SINHCAF: variants seen among roughly 807,000 people sequenced by gnomAD.
The protein encoded by SINHCAF is SIN3-HDAC complex-associated factor.
Under a neutral mutation model 25.8 loss-of-function variants are expected in SINHCAF, and 3 were observed. That is an observed-to-expected ratio of 0.12 (90% CI 0.05 to 0.30). The LOEUF is 0.30. Ranked by LOEUF, SINHCAF falls within the 10% of genes least tolerant of loss-of-function variation. The pLI, the probability that SINHCAF is intolerant of heterozygous loss-of-function variation, is 1.00. For synonymous variants in SINHCAF, 70 were observed against 85.5 expected (o/e 0.82, Z 1.00); for missense variants, 121 against 262.3 (o/e 0.46, Z 3.72).
chr12:31,310,570 G>A (rs1939225609), intron 1 of SINHCAF, among the ~76,000 whole-genome samples: 1 of 152,166 alleles, frequency 6.6e-6, no homozygotes, highest in Non-Finnish European at 1.5e-5. Flanking sequence ...TGTTACCATT[G>A]TTAAGTGTAC....
intron 1 of SINHCAF, chr12:31,304,542 G>GGAAGGGT (rs1362347491): frequency 6.6e-6 from 1 of 152,192 alleles, no homozygotes; most frequent in Non-Finnish European, 1.5e-5. Context: ...GGGGCGGTGG[G>GGAAGGGT]GAAGGGTGAG....
intron 1 of SINHCAF, among the ~76,000 whole-genome samples, chr12:31,306,721 G>A (rs1295315014): frequency 6.6e-6 from 1 of 152,124 alleles, no homozygotes; most frequent in Non-Finnish European, 1.5e-5. Context: ...TGCCAAAAGC[G>A]AGATCCAAGA....
intron 1 of SINHCAF, among the ~76,000 whole-genome samples, chr12:31,315,958 G>T (rs1939479605): frequency 6.6e-6 from 1 of 152,158 alleles, no homozygotes; most frequent in African/African-American, 2.4e-5. Flanking sequence ...CTGAGGTCAG[G>T]AGTTTGAGAC....
intron 1 of SINHCAF, among the ~76,000 whole-genome samples, chr12:31,318,490 T>G (rs1229269659): frequency 6.6e-6 from 1 of 152,178 alleles, no homozygotes; most frequent in East Asian, 1.9e-4. Context: ...AATCCACACT[T>G]GGCAGAAGAG....
chr12:31,297,981 A>T, intron 2 of SINHCAF, 96 bp downstream of exon 2: 1 of 1,206,440 alleles, frequency 8.3e-7, no homozygotes, highest in Non-Finnish European at 1.2e-6. Context: ...GATTTTTATT[A>T]TTAGCACATT....
At chr12:31,302,558 T>C (rs1222899324) in intron 1 of SINHCAF, among the ~76,000 whole-genome samples, 4 of 150,774 alleles carry the variant, frequency 2.7e-5, no homozygotes, top group African/African-American at 9.8e-5. Context: ...CTTGAGGATG[T>C]GCGCCCAGGA....
chr12:31,309,789 C>T (rs746334294), intron 1 of SINHCAF, among the ~76,000 whole-genome samples: 1 of 151,814 alleles, frequency 6.6e-6, no homozygotes, highest in Non-Finnish European at 1.5e-5. Context: ...CCTAAGCCTC[C>T]GGAGTAGCTG....
At chr12:31,285,748 G>A (rs1938034758) in intron 5 of SINHCAF, among the ~76,000 whole-genome samples, 1 of 152,046 alleles carries the variant, frequency 6.6e-6, no homozygotes, top group Admixed American at 6.6e-5. Context: ...GGTCAAGGCA[G>A]GCAGATCACT....
At chr12:31,295,562 A>G (rs1938513658) in intron 2 of SINHCAF, among the ~76,000 whole-genome samples, 1 of 152,224 alleles carries the variant, frequency 6.6e-6, no homozygotes, top group African/African-American at 2.4e-5. Flanking sequence ...TTGAAATAAG[A>G]AATGCTTTTA....
chr12:31,314,912 T>G (rs575541384), intron 1 of SINHCAF, among the ~76,000 whole-genome samples: 3 of 152,248 alleles, frequency 2.0e-5, no homozygotes, highest in African/African-American at 7.2e-5. Flanking sequence ...AGCTGGGGTT[T>G]CTAAAGGTGG....
intron 1 of SINHCAF, among the ~76,000 whole-genome samples, chr12:31,323,163 ACT>A (rs973273744): frequency 2.0e-5 from 3 of 152,110 alleles, no homozygotes; most frequent in Non-Finnish European, 4.4e-5. Flanking sequence ...ACCACCAAAC[ACT>A]GAGTCACGCA....
intron 3 of SINHCAF, among the ~76,000 whole-genome samples, chr12:31,294,467 T>C (rs1938467423): frequency 6.6e-6 from 1 of 152,136 alleles, no homozygotes; most frequent in East Asian, 1.9e-4. Flanking sequence ...GCCTATTCTT[T>C]ATGCTTTTTT....
intron 5 of SINHCAF, among the ~76,000 whole-genome samples, chr12:31,283,526 C>T (rs985368751): frequency 1.3e-5 from 2 of 151,992 alleles, no homozygotes; most frequent in African/African-American, 4.8e-5. Context: ...TCACTTGAAC[C>T]CAGGAAGTGG....
At chr12:31,309,671 T>TC (rs1257457002) in intron 1 of SINHCAF, among the ~76,000 whole-genome samples, 4 of 150,586 alleles carry the variant, frequency 2.7e-5, no homozygotes, top group African/African-American at 9.8e-5. Context: ...GTGATTTTTT[T>TC]TTTTTTTTTT....
At position 31,298,086 on chromosome 12, in the gene SINHCAF, C is replaced by T. The variant is rs757235883; in HGVS notation, c.119G>A (p.Ser40Asn). 1.2e-5 allele frequency: 19 copies of T among 1,613,760 alleles called. No individual in the cohort carries two copies. The African/African-American group carries it at 1.3e-4, about 11-fold the overall frequency. The part of the protein sequence containing the change: ...DSKRYEKDFQ[S>N]CFGLHETRSG... ...CATCAGGTGATCTTACCCAAAACAG[C>T]TCTGGAAGTCCTTTTCATAGCGTTT... The change falls in exon 2 of 6, where the codon AGC becomes AAC. Residue 40 changes from serine (S) to asparagine (N), a missense_variant. Ser to Asn is a conservative substitution (Grantham distance 46, BLOSUM62 1). Coordinates refer to ENST00000337682, the MANE Select transcript of SINHCAF (RefSeq NM_001135812.2).
chr12:31,309,244 C>T (rs1565500377), intron 1 of SINHCAF, among the ~76,000 whole-genome samples: 3 of 151,984 alleles, frequency 2.0e-5, no homozygotes, highest in Admixed American at 1.3e-4. Context: ...GTCTACAGCC[C>T]GTAAGTTTTG....
intron 1 of SINHCAF, among the ~76,000 whole-genome samples, chr12:31,306,566 C>T (rs1939035232): frequency 6.6e-6 from 1 of 152,084 alleles, no homozygotes; most frequent in Non-Finnish European, 1.5e-5. Flanking sequence ...TTTCCTTTAG[C>T]GTAGATTTAA....
At chr12:31,308,916 T>C (rs1276456515) in intron 1 of SINHCAF, among the ~76,000 whole-genome samples, 3 of 151,828 alleles carry the variant, frequency 2.0e-5, no homozygotes, top group East Asian at 1.9e-4. Flanking sequence ...TCACTTGAGG[T>C]CAGGAGTTCG....
chr12:31,300,873 C>T lies in SINHCAF; in HGVS notation c.-20-2649G>A, dbSNP rs138783694. ...ATACTCTCCAACTTCATCCATAACT[C>T]TTGGAAACTTCAGCCTCCCTTCTCA... is the stretch of plus-strand genomic sequence containing the variant. On this transcript the variant is annotated intron_variant, in intron 1 of 5. Coordinates refer to ENST00000337682, the MANE Select transcript of SINHCAF (RefSeq NM_001135812.2). Among the ~76,000 whole-genome samples the T allele has an allele frequency of 3.9e-4, 59 of 152,274 alleles. 1 individual carries two copies. In the East Asian group the frequency reaches 0.011, roughly 29 times the overall value.
Sources: gnomAD v4.1 joint callset for allele counts (sites outside exome capture counted in the v4.1 genomes callset) on GRCh38, gnomAD v4.1.1 for gene constraint, MANE v1.5 for transcripts, NCBI Gene and HGNC (gene_info 2026-07-23, HGNC 2026-07-21) for gene names.